The following PIWIL3 variants were observed in gnomAD, a reference collection of about 807,000 sequenced individuals.
PIWIL3 encodes piwi like RNA-mediated gene silencing 3, also known as piwi-like protein 3.
A neutral mutation model predicts 109.7 loss-of-function variants in PIWIL3; 101 were observed. The observed-to-expected ratio is 0.92, with a 90% CI of 0.78 to 1.09. The LOEUF (loss-of-function observed/expected upper bound fraction) is 1.09, where lower values mean the gene tolerates loss of function less well. Among genes scored for constraint, PIWIL3 ranks in the 50% least tolerant of loss-of-function variants. PIWIL3 has a pLI of 0.00. For missense variants in PIWIL3, 1,031 were observed against 1,072.6 expected (o/e 0.96, Z 0.54); for synonymous variants, 373 against 376.4 (o/e 0.99, Z 0.10).
intron 14 of PIWIL3, among the ~76,000 whole-genome samples, chr22:24,733,603 C>T (rs1270901573): frequency 6.6e-6 from 1 of 152,032 alleles, no homozygotes; most frequent in Non-Finnish European, 1.5e-5. Flanking sequence ...ATTGCTTGAA[C>T]CGGGAGGCAG....
chr22:24,729,017 C>G (rs991804200), intron 14 of PIWIL3, among the ~76,000 whole-genome samples: 1 of 152,146 alleles, frequency 6.6e-6, no homozygotes, highest in Admixed American at 6.5e-5. Flanking sequence ...CGCAGAAATG[C>G]TTTTGTTCTT....
intron 4 of PIWIL3, among the ~76,000 whole-genome samples, chr22:24,757,665 CACACA>C (rs1925152099): frequency 1.5e-5 from 1 of 68,218 alleles, no homozygotes; most frequent in South Asian, 4.5e-4. Context: ...ATATTACACA[CACACA>C]CACACACACA....
Position 24,719,326 on chromosome 22 carries a change from T to C in PIWIL3, c.*146A>G. The C allele has an allele frequency of 1.7e-6, 1 of 593,370 alleles. No individual in the cohort carries two copies. The highest frequency in any genetic ancestry group is 3.0e-5 in the East Asian group (1 of 32,854). The allele number at this position is 593,370 out of a possible 1,614,324, so 36.8% of individuals were successfully genotyped here. On this transcript the variant is annotated 3_prime_UTR_variant, in exon 21 of 21. Coordinates refer to ENST00000616349, the MANE Select transcript of PIWIL3 (RefSeq NM_001255975.1). ...GTGGTAGTATTGAGAGTAGAACATA[T>C]CACTCTGAATCTCTCCTGTGTCCAA...
intron 18 of PIWIL3, among the ~76,000 whole-genome samples, chr22:24,724,037 C>A (rs924006241): frequency 1.3e-5 from 2 of 152,060 alleles, no homozygotes; most frequent in African/African-American, 4.8e-5. Flanking sequence ...AGACTTGAAA[C>A]AAAGTAGGAA....
intron 8 of PIWIL3, 57 bp downstream of exon 8, chr22:24,753,957 G>A: frequency 7.0e-7 from 1 of 1,429,198 alleles, no homozygotes; most frequent in East Asian, 2.3e-5. Flanking sequence ...ACCATCTCTT[G>A]GGGTGGGGGA....
At chr22:24,769,001 G>A (rs573371530) in intron 1 of PIWIL3, among the ~76,000 whole-genome samples, 32 of 152,170 alleles carry the variant, frequency 2.1e-4, no homozygotes, top group Non-Finnish European at 4.6e-4. Flanking sequence ...GCAAGGTGGT[G>A]CTATTGTCTT....
intron 13 of PIWIL3, among the ~76,000 whole-genome samples, chr22:24,735,325 G>A (rs915488733): frequency 1.3e-5 from 2 of 152,156 alleles, no homozygotes; most frequent in African/African-American, 2.4e-5. Flanking sequence ...ACACTGGTAG[G>A]GGATGTTGAT....
At chr22:24,772,676 T>A (rs934374130) in intron 1 of PIWIL3, among the ~76,000 whole-genome samples, 2 of 151,954 alleles carry the variant, frequency 1.3e-5, no homozygotes, top group African/African-American at 2.4e-5. Context: ...CCAGCTCCCC[T>A]GTCTTTCCCA....
At position 24,748,208 on chromosome 22, in the gene PIWIL3, A is replaced by G. The variant is rs190134745; in HGVS notation, c.1449+699T>C. Among the ~76,000 whole-genome samples, 33 of 152,304 alleles carry G rather than the reference A, an allele frequency of 2.2e-4. No homozygotes were observed. In the East Asian group the frequency reaches 5.8e-3, roughly 27 times the overall value. ...AAATGAGCTTTACATGTTCTCACTT[A>G]TTTGTGGGATCTACAAGATGAAAAC... On this transcript the variant is annotated intron_variant, in intron 12 of 20. Transcript: ENST00000616349.
intron 4 of PIWIL3, among the ~76,000 whole-genome samples, chr22:24,757,659 T>C (rs1601847152): frequency 2.7e-5 from 3 of 109,864 alleles, no homozygotes; most frequent in Non-Finnish European, 5.8e-5. Context: ...ATGTATATAT[T>C]ACACACACAC....
At position 24,719,503 on chromosome 22, in the gene PIWIL3, C is replaced by T. The variant is rs138955897; in HGVS notation, c.2591G>A (p.Arg864His). ...GTAAAAGAGACGAGTTGACAAGGAA[C>T]GATTCGGTTCCTGGTGAATGGACTG... is the stretch of plus-strand genomic sequence containing the variant. ...VGQSIHQEPN[R>H]SLSTRLFYL Residue 864 changes from arginine (R) to histidine (H), a missense_variant, in exon 21 of 21, where the codon CGT becomes CAT. By Grantham distance (29) the Arg-to-His change is conservative. Transcript: ENST00000616349. 31 of 1,599,346 alleles carry T rather than the reference C, an allele frequency of 1.9e-5. No homozygotes were observed. Among genetic ancestry groups the T allele is most frequent in the Middle Eastern group, 3.3e-4 (2 of 6,006 alleles).
Position 24,723,192 on chromosome 22 carries a change from T to C in PIWIL3, c.2295A>G (p.Gly765=). ...CTGGAGGTGGATTTTGAAAATTGCTTCCATGTTTAAGAAAAAATCTAGTGT... is the reference window on the plus strand; with the variant it reads ...CTGGAGGTGGATTTTGAAAATTGCTCCCATGTTTAAGAAAAAATCTAGTGT... The part of the protein sequence containing the change: ...RINTRFFLKH[G]SNFQNPPPGT... Residue 765 remains glycine (G), a synonymous_variant, in exon 19 of 21, where the codon GGA becomes GGG. Coordinates refer to ENST00000616349, the MANE Select transcript of PIWIL3 (RefSeq NM_001255975.1). 2 of 1,611,590 alleles carry C rather than the reference T, an allele frequency of 1.2e-6. 1 individual carries two copies. The highest frequency in any genetic ancestry group is 4.5e-5 in the East Asian group (2 of 44,864).
At chr22:24,757,002 C>T (rs757512846) in intron 4 of PIWIL3, among the ~76,000 whole-genome samples, 6 of 149,666 alleles carry the variant, frequency 4.0e-5, no homozygotes, top group Non-Finnish European at 8.9e-5. Flanking sequence ...TCACTTGAAC[C>T]CAGGAGGCAG....
At chr22:24,749,083 T>G in intron 11 of PIWIL3, 62 bp from the exon 12 acceptor site, 1 of 1,312,510 alleles carries the variant, frequency 7.6e-7, no homozygotes, top group South Asian at 1.3e-5. Flanking sequence ...TAGCCATTTG[T>G]GCAAGGCAAT....
At chr22:24,730,606 G>C (rs953669405) in intron 14 of PIWIL3, among the ~76,000 whole-genome samples, 2 of 152,026 alleles carry the variant, frequency 1.3e-5, no homozygotes, top group African/African-American at 2.4e-5. Flanking sequence ...TGGATGATGG[G>C]TATACAGGGG....
intron 2 of PIWIL3, 61 bp downstream of exon 2, chr22:24,762,335 CTA>C (rs1304550288): frequency 2.6e-6 from 4 of 1,552,406 alleles, no homozygotes; most frequent in East Asian, 4.6e-5. Flanking sequence ...ACAACCAACT[CTA>C]TGTTCTTTTC....
intron 12 of PIWIL3, among the ~76,000 whole-genome samples, chr22:24,745,717 G>GA (rs71189273): frequency 0.012 from 957 of 80,122 alleles, 7 homozygotes; most frequent in Non-Finnish European, 0.016. Flanking sequence ...GTCAGACTAA[G>GA]AAAAAAAAAA....
intron 17 of PIWIL3, 80 bp from the exon 18 acceptor site, chr22:24,725,117 C>CA: frequency 1.3e-6 from 2 of 1,521,382 alleles, no homozygotes; most frequent in South Asian, 2.4e-5. Context: ...ATTCTAGGTC[C>CA]ATCTTTCAAC....
intron 1 of PIWIL3, among the ~76,000 whole-genome samples, chr22:24,772,113 AG>A (rs1926169115): frequency 6.6e-6 from 1 of 152,240 alleles, no homozygotes; most frequent in Admixed American, 6.5e-5. Context: ...CCAAACAGTA[AG>A]AATTATTATC....
Sources: allele counts gnomAD v4.1 joint callset (sites outside exome capture counted in the v4.1 genomes callset), GRCh38; gene constraint gnomAD v4.1.1; transcripts MANE v1.5; gene names NCBI Gene and HGNC (gene_info 2026-07-23, HGNC 2026-07-21).